The following MRPL34 variants were observed in gnomAD, a reference collection of about 807,000 sequenced individuals.
MRPL34 encodes large ribosomal subunit protein bL34m.
MRPL34 carries 8 observed loss-of-function variants against 6.7 expected under a neutral mutation model. That is an observed-to-expected ratio of 1.20 (90% CI 0.70 to 2.16). MRPL34 has a LOEUF of 2.16. Among genes scored for constraint, MRPL34 ranks in the 30% most tolerant of loss-of-function variants. The pLI is 0.00. For missense variants in MRPL34, 146 were observed against 125.5 expected, an observed-to-expected ratio of 1.16 and a Z score of -0.78; for synonymous variants, 59 against 55.1, an observed-to-expected ratio of 1.07 and a Z score of -0.31.
chr19:17,301,258 T>C, upstream of MRPL34: 1 of 1,600,282 alleles, frequency 6.2e-7, no homozygotes, highest in South Asian at 1.1e-5. Context: ...ATCTGCCAGC[T>C]CCACCTCCAG....
rs1017154349 is a variant in MRPL34, at chr19:17,294,441, G to A, written c.214+1587G>A. On this transcript the variant is annotated intron_variant, in intron 1 of 2. Transcript: ENST00000595444. ...TGGCCCGGAGTACGAAGGATGACAC[G>A]TTGAAAGCGTTGCCCTCCTTTAACA... is the stretch of plus-strand genomic sequence containing the variant. The A allele has an allele frequency of 5.6e-6, 9 of 1,614,162 alleles. No homozygotes were observed. The Admixed American group carries it at 1.2e-4, about 21-fold the overall frequency.
chr19:17,294,761 C>G (rs200026977), intron 1 of MRPL34: 1 of 1,614,030 alleles, frequency 6.2e-7, no homozygotes, highest in South Asian at 1.1e-5. Context: ...TGGGCTCCAG[C>G]GCCGTAGGGC....
chr19:17,306,609 C>T lies in MRPL34; in HGVS notation c.*230C>T, dbSNP rs967920486. 5.0e-5 allele frequency: 23 copies of T among 458,978 alleles called. No individual in the cohort carries two copies. Among genetic ancestry groups the T allele is most frequent in the Non-Finnish European group, 7.7e-5 (20 of 259,470 alleles). The allele number at this position is 458,978 out of a possible 1,614,324, so 28.4% of individuals were successfully genotyped here. A position where few individuals can be genotyped will look rare whatever the true frequency, so the allele number is the denominator to read the frequency against. ...GACCAAAGAACAGTACAAAGAACAT[C>T]CGTGTACCCAGTACCCTGACTACCG... On this transcript the variant is annotated 3_prime_UTR_variant, in exon 2 of 2. Transcript: ENST00000252602.
chr19:17,299,998 G>A (rs989325055), upstream of MRPL34, among the ~76,000 whole-genome samples: 4 of 149,586 alleles, frequency 2.7e-5, no homozygotes, highest in East Asian at 4.0e-4. Context: ...TCCGTCTCCC[G>A]TGCTCATGCC....
rs950948889 is a variant in MRPL34, at chr19:17,306,279, G to C, written c.179G>C (p.Arg60Pro). Residue 60 changes from arginine (R) to proline (P), a missense_variant, in exon 2 of 2, where the codon CGC becomes CCC. Coordinates refer to ENST00000252602, the MANE Select transcript of MRPL34 (RefSeq NM_023937.4). ...GAGTATCAGCCGAGCAACATCAAAC[G>C]CAAGAACAAGCACGGCTGGGTCCGG... ...GNEYQPSNIK[R>P]KNKHGWVRRL... 3 of 1,608,572 alleles carry C rather than the reference G, an allele frequency of 1.9e-6. No individual in the cohort carries two copies. The highest frequency in any genetic ancestry group is 1.3e-5 in the African/African-American group (1 of 74,866).
At chr19:17,306,131 G>T (rs200917288) in intron 1 of MRPL34, 35 bp from the exon 2 acceptor site, 67 of 1,503,990 alleles carry the variant, frequency 4.5e-5, no homozygotes, top group Non-Finnish European at 5.5e-5. Flanking sequence ...CCAGCGCCCC[G>T]TCTGACCTTT....
intron 1 of MRPL34, among the ~76,000 whole-genome samples, chr19:17,295,013 T>C (rs1376847113): frequency 6.6e-6 from 1 of 150,654 alleles, no homozygotes; most frequent in Non-Finnish European, 1.5e-5. Context: ...AACCTCTGCC[T>C]CCCAGGTTCA....
At chr19:17,293,902 T>C (rs2145651072) in intron 1 of MRPL34, among the ~76,000 whole-genome samples, 1 of 152,152 alleles carries the variant, frequency 6.6e-6, no homozygotes, top group African/African-American at 2.4e-5. Flanking sequence ...CCAGACCCTT[T>C]CTAATCTGAA....
At chr19:17,301,776 T>TTGTGTGTGTG (rs10679164), upstream of MRPL34, among the ~76,000 whole-genome samples, 1,221 of 147,454 alleles carry the variant, frequency 8.3e-3, 14 homozygotes, top group African/African-American at 0.028. Context: ...ATTTTTTTGT[T>TTGTGTGTGTG]TGTGTGTGTG....
upstream of MRPL34, chr19:17,300,925 G>A: frequency 6.2e-7 from 1 of 1,612,212 alleles, no homozygotes; most frequent in Non-Finnish European, 8.5e-7. Flanking sequence ...CATGTCCTCA[G>A]CCAGCGCATA....
At chr19:17,306,072 G>T in intron 1 of MRPL34, 94 bp from the exon 2 acceptor site, 1 of 1,528,574 alleles carries the variant, frequency 6.5e-7, no homozygotes, top group South Asian at 1.2e-5. Flanking sequence ...TTGCAGCCAG[G>T]CTCTGTCTCC....
At chr19:17,292,666 T>C (rs2074076128) in exon 1 of MRPL34, 2 of 1,609,792 alleles carry the variant, frequency 1.2e-6, no homozygotes, top group African/African-American at 2.7e-5. Flanking sequence ...AGCGGCTACT[T>C]CTTGTCTTCT....
At chr19:17,303,356 C>G (rs1000101771), upstream of MRPL34, 1 of 152,278 alleles carries the variant, frequency 6.6e-6, no homozygotes, top group East Asian at 1.9e-4. Flanking sequence ...GGTGCGTCTA[C>G]GCGGGCGGGC....
At position 17,306,315 on chromosome 19, in the gene MRPL34, C is replaced by A; in HGVS notation, c.215C>A (p.Thr72Lys). The change falls in exon 2 of 2, where the codon ACG becomes AAG. Residue 72 changes from threonine to lysine, a missense_variant. By Grantham distance (78) the Thr-to-Lys change is moderately conservative. Transcript: ENST00000252602. The stretch of plus-strand genomic sequence containing the variant: ...CACGGCTGGGTCCGGCGCCTGAGCA[C>A]GCCGGCCGGCGTGCAGGTCATCCTT... Reference protein sequence around the residue: ...NKHGWVRRLSTPAGVQVILRR... With the variant: ...NKHGWVRRLSKPAGVQVILRR... The A allele has an allele frequency of 6.2e-7, 1 of 1,610,246 alleles. No individual in the cohort carries two copies. The highest frequency in any genetic ancestry group is 8.5e-7 in the Non-Finnish European group (1 of 1,179,188).
At chr19:17,303,440 A>G (rs941010291), upstream of MRPL34, 4 of 152,282 alleles carry the variant, frequency 2.6e-5, no homozygotes, top group Non-Finnish European at 4.4e-5. Flanking sequence ...TCCTCCCCCG[A>G]GTAGGCGGAG....
At chr19:17,305,844 C>T (rs751335291), upstream of MRPL34, 1 of 1,580,108 alleles carries the variant, frequency 6.3e-7, no homozygotes, top group Non-Finnish European at 8.7e-7. Flanking sequence ...TGGAGCGGCT[C>T]TGGGCTCCGG....
intron 1 of MRPL34, among the ~76,000 whole-genome samples, chr19:17,297,574 G>C (rs1305590501): frequency 2.6e-5 from 4 of 152,152 alleles, no homozygotes; most frequent in Non-Finnish European, 5.9e-5. Flanking sequence ...GATTACAGGT[G>C]TGAACCACTG....
At chr19:17,292,796 C>T (rs2074076969) in exon 1 of MRPL34, 1 of 1,612,906 alleles carries the variant, frequency 6.2e-7, no homozygotes, top group Non-Finnish European at 8.5e-7. Context: ...TGTGGCTGCC[C>T]TCGTCGATGA....
At chr19:17,300,332 T>TTAA (rs2074111760), upstream of MRPL34, among the ~76,000 whole-genome samples, 1 of 151,470 alleles carries the variant, frequency 6.6e-6, no homozygotes, top group Non-Finnish European at 1.5e-5. Flanking sequence ...AGCCCTTAAG[T>TTAA]AGGTGGAACT....
Sources: allele counts gnomAD v4.1 joint callset (sites outside exome capture counted in the v4.1 genomes callset), GRCh38; gene constraint gnomAD v4.1.1; transcripts MANE v1.5; gene names NCBI Gene and HGNC (gene_info 2026-07-23, HGNC 2026-07-21).